Variants in ANK3 observed in about 807,000 individuals in gnomAD.
ANK3 encodes ankyrin 3, also known as ankyrin-3.
ANK3 carries 57 observed loss-of-function variants against 370.9 expected under a neutral mutation model. The observed-to-expected ratio is 0.15, with a 90% CI of 0.12 to 0.19. The LOEUF is 0.19. Among genes scored for constraint, ANK3 ranks in the 10% least tolerant of loss-of-function variants. ANK3 has a pLI of 1.00. For missense variants in ANK3, 4,439 were observed against 5,302.1 expected (o/e 0.84, Z 5.06); for synonymous variants, 1,929 against 1,946.3 (o/e 0.99, Z 0.23).
At chr10:60,351,469 T>C (rs1594315343) in intron 1 of ANK3, among the ~76,000 whole-genome samples, 1 of 152,210 alleles carries the variant, frequency 6.6e-6, no homozygotes, top group East Asian at 1.9e-4. Context: ...TCTAGAATTA[T>C]TCACTTCAGT....
chr10:60,571,285 T>C (rs779756329), intron 2 of ANK3, among the ~76,000 whole-genome samples: 2 of 152,228 alleles, frequency 1.3e-5, no homozygotes, highest in Admixed American at 6.5e-5. Context: ...GGCATGTACA[T>C]AGACATGACC....
chr10:60,633,625 A>G (rs1334846464), intron 1 of ANK3, among the ~76,000 whole-genome samples: 1 of 152,202 alleles, frequency 6.6e-6, no homozygotes, highest in Non-Finnish European at 1.5e-5. Flanking sequence ...GGCCAATCCA[A>G]TAAAATCAAA....
At chr10:60,483,356 C>G (rs541822376) in intron 2 of ANK3, among the ~76,000 whole-genome samples, 2 of 152,272 alleles carry the variant, frequency 1.3e-5, no homozygotes, top group Admixed American at 1.3e-4. Context: ...TCTAACACTT[C>G]CAAAATATTT....
At chr10:60,189,220 T>C (rs908683078) in intron 16 of ANK3, among the ~76,000 whole-genome samples, 4 of 152,198 alleles carry the variant, frequency 2.6e-5, no homozygotes, top group African/African-American at 9.6e-5. Flanking sequence ...CAGTCAGGCA[T>C]GGCGGTGCAT....
chr10:60,457,094 C>A (rs937245686), intron 2 of ANK3, among the ~76,000 whole-genome samples: 3 of 152,030 alleles, frequency 2.0e-5, no homozygotes, highest in Admixed American at 1.3e-4. Flanking sequence ...TGTAAGACAG[C>A]CTTAAGTCTC....
At chr10:60,547,412 G>GT (rs1314984833) in intron 2 of ANK3, among the ~76,000 whole-genome samples, 2 of 150,828 alleles carry the variant, frequency 1.3e-5, no homozygotes, top group Non-Finnish European at 3.0e-5. Context: ...TCTTTTCTTT[G>GT]TTTTTTTAAG....
chr10:60,393,644 A>G (rs2063157958), upstream of ANK3, among the ~76,000 whole-genome samples: 1 of 152,130 alleles, frequency 6.6e-6, no homozygotes, highest in Admixed American at 6.5e-5. Flanking sequence ...CTCCCCGCTC[A>G]TTTTTCACAT....
At chr10:60,502,795 GAA>G (rs1400613761) in intron 2 of ANK3, among the ~76,000 whole-genome samples, 1 of 133,566 alleles carries the variant, frequency 7.5e-6, no homozygotes, top group Non-Finnish European at 1.6e-5. Context: ...AAAGAAAAAA[GAA>G]AAGAAAGAAA....
chr10:60,491,226 A>G (rs76762467), intron 2 of ANK3, among the ~76,000 whole-genome samples: 19,800 of 152,148 alleles, frequency 0.13, 1,504 homozygotes, highest in African/African-American at 0.21. Context: ...GACTAAGGTT[A>G]AAATCAACAT....
At chr10:60,104,592 T>C (rs1340491423) in intron 28 of ANK3, among the ~76,000 whole-genome samples, 1 of 152,078 alleles carries the variant, frequency 6.6e-6, no homozygotes, top group African/African-American at 2.4e-5. Context: ...TTTGCAGTGC[T>C]ATCCTTTCTT....
chr10:60,418,992 C>G (rs1237358256), intron 2 of ANK3, among the ~76,000 whole-genome samples: 1 of 152,048 alleles, frequency 6.6e-6, no homozygotes, highest in Admixed American at 6.6e-5. Context: ...AAAAACAATT[C>G]TCTCCTAAGT....
At chr10:60,622,912 G>A (rs1218003840) in intron 1 of ANK3, among the ~76,000 whole-genome samples, 2 of 152,146 alleles carry the variant, frequency 1.3e-5, no homozygotes, top group African/African-American at 2.4e-5. Context: ...ACCAAAGAAC[G>A]CAATGCTAGT....
chr10:60,300,205 G>C, intron 1 of ANK3: 2 of 525,582 alleles, frequency 3.8e-6, no homozygotes, highest in Non-Finnish European at 6.8e-6. Flanking sequence ...AGTGCAAACA[G>C]GTTAATTTGC....
At chr10:60,719,887 G>T (rs946521390) in intron 1 of ANK3, among the ~76,000 whole-genome samples, 1 of 152,130 alleles carries the variant, frequency 6.6e-6, no homozygotes, top group East Asian at 1.9e-4. Flanking sequence ...TTTGCTTTAT[G>T]CATGAGATCA....
At chr10:60,427,705 T>G (rs989653087) in intron 2 of ANK3, among the ~76,000 whole-genome samples, 6 of 152,182 alleles carry the variant, frequency 3.9e-5, no homozygotes, top group Non-Finnish European at 4.4e-5. Flanking sequence ...GAAATTTTAA[T>G]GTTTTTGAAA....
chr10:60,683,799 A>C (rs1279273273), intron 1 of ANK3, among the ~76,000 whole-genome samples: 2 of 152,192 alleles, frequency 1.3e-5, no homozygotes, highest in Non-Finnish European at 2.9e-5. Flanking sequence ...TTCCCATGTC[A>C]ATGTTCCTGT....
At chr10:60,360,682 A>G (rs2058465146) in intron 1 of ANK3, among the ~76,000 whole-genome samples, 1 of 152,144 alleles carries the variant, frequency 6.6e-6, no homozygotes, top group Admixed American at 6.6e-5. Flanking sequence ...CCTGGGTGAC[A>G]GTGAGACCAG....
At chr10:60,577,379 C>T (rs1194040123) in intron 2 of ANK3, among the ~76,000 whole-genome samples, 1 of 152,178 alleles carries the variant, frequency 6.6e-6, no homozygotes, top group Non-Finnish European at 1.5e-5. Context: ...GCTGTCTCCC[C>T]ACCCAAATCT....
At chr10:60,341,637 A>T (rs772599487) in intron 1 of ANK3, among the ~76,000 whole-genome samples, 4 of 152,092 alleles carry the variant, frequency 2.6e-5, no homozygotes, top group Non-Finnish European at 1.5e-5. Context: ...TCCCAAGTAA[A>T]GAGGGGGCAT....
Sources: allele counts gnomAD v4.1 joint callset (sites outside exome capture counted in the v4.1 genomes callset), GRCh38; gene constraint gnomAD v4.1.1; transcripts MANE v1.5; gene names NCBI Gene and HGNC (gene_info 2026-07-23, HGNC 2026-07-21).